Variants in EYS observed in about 807,000 individuals in gnomAD.
EYS encodes the protein protein eyes shut homolog.
Under a neutral mutation model 282.1 loss-of-function variants are expected in EYS, and 250 were observed. The observed-to-expected ratio is 0.89, with a 90% CI of 0.80 to 0.98. The LOEUF (loss-of-function observed/expected upper bound fraction) is 0.98. Among genes scored for constraint, EYS ranks in the 50% least tolerant of loss-of-function variants. The pLI is 0.00. For missense variants in EYS, 4,016 were observed against 3,709.0 expected, an observed-to-expected ratio of 1.08 and a Z score of -2.15; for synonymous variants, 1,355 against 1,282.9, an observed-to-expected ratio of 1.06 and a Z score of -1.20.
chr6:65,327,584 T>G (rs1380437440), intron 11 of EYS, among the ~76,000 whole-genome samples: 1 of 151,570 alleles, frequency 6.6e-6, no homozygotes, highest in African/African-American at 2.4e-5. Flanking sequence ...AATAGTGCAT[T>G]TTTGGTTTTT....
intron 26 of EYS, among the ~76,000 whole-genome samples, chr6:64,464,959 C>T (rs764725070): frequency 2.7e-4 from 41 of 150,722 alleles, no homozygotes; most frequent in Admixed American, 3.3e-4. Context: ...AAAAATAAAA[C>T]GAAAAATAAT....
In EYS at chr6:64,506,908, T is replaced by TAAAAAAAAAAAAAAAAAA. The variant is rs530521158; in HGVS notation, c.5645-67557_5645-67556insTTTTTTTTTTTTTTTTTT. On this transcript the variant is annotated intron_variant, in intron 26 of 42. Transcript: ENST00000503581. ...TGGGCGATAAAGCGAGGCTGTGTCT[T>TAAAAAAAAAAAAAAAAAA]AAAAAAAAAAAAAAAAACTGACTTA... 5.0e-4 allele frequency among the ~76,000 whole-genome samples: 49 copies of TAAAAAAAAAAAAAAAAAA among 97,574 alleles called. No homozygotes were observed. The East Asian group carries it at 6.3e-3, about 12-fold the overall frequency. The allele number at this position is 97,574 out of a possible 152,430, so 64.0% of individuals were successfully genotyped here.
chr6:64,862,996 T>G (rs1766298752), intron 19 of EYS, among the ~76,000 whole-genome samples: 1 of 152,148 alleles, frequency 6.6e-6, no homozygotes, highest in African/African-American at 2.4e-5. Context: ...TTCAGCAAAT[T>G]TAGAAAAAGG....
chr6:65,376,219 A>G (rs1344068058), intron 8 of EYS, among the ~76,000 whole-genome samples: 1 of 152,202 alleles, frequency 6.6e-6, no homozygotes, highest in Non-Finnish European at 1.5e-5. Context: ...GGTGCCCAAT[A>G]GTCAACAATC....
chr6:65,577,975 G>T (rs986400498), intron 2 of EYS, among the ~76,000 whole-genome samples: 2 of 151,742 alleles, frequency 1.3e-5, no homozygotes, highest in Non-Finnish European at 3.0e-5. Flanking sequence ...CTGTACACCT[G>T]TTGGAATATA....
intron 29 of EYS, among the ~76,000 whole-genome samples, chr6:64,362,338 A>T (rs1772044102): frequency 6.6e-6 from 1 of 151,848 alleles, no homozygotes; most frequent in South Asian, 2.1e-4. Flanking sequence ...TGTTTAAAAC[A>T]CTAGAGTATA....
intron 32 of EYS, among the ~76,000 whole-genome samples, chr6:64,069,705 A>G (rs1174948136): frequency 1.3e-5 from 2 of 152,096 alleles, no homozygotes; most frequent in Non-Finnish European, 2.9e-5. Flanking sequence ...AGAAAATTAT[A>G]TGAAATGAGT....
chr6:63,918,619 A>G (rs1398519902), intron 35 of EYS, among the ~76,000 whole-genome samples: 5 of 152,324 alleles, frequency 3.3e-5, no homozygotes, highest in African/African-American at 1.2e-4. Context: ...CAAGAAGATG[A>G]CACAGAGCCA....
intron 29 of EYS, among the ~76,000 whole-genome samples, chr6:64,382,921 G>C: frequency 6.6e-6 from 1 of 152,136 alleles, no homozygotes; most frequent in Non-Finnish European, 1.5e-5. Flanking sequence ...GTTTCCTTCT[G>C]TTGGGTAGGA....
rs140984761 is a variant in EYS at position 63,861,962 on chromosome 6, A to T, written c.7228+2224T>A. On this transcript the variant is annotated intron_variant, in intron 36 of 42. Coordinates refer to ENST00000503581, the MANE Select transcript of EYS (RefSeq NM_001142800.2). ...GCAGCTGGAGTGAATGAAGACATTT[A>T]TGCACCAGCTACAGCAGTATCTTTT... is the stretch of plus-strand genomic sequence containing the variant. Among the ~76,000 whole-genome samples the T allele has an allele frequency of 9.2e-5, 14 of 152,324 alleles. 1 individual carries two copies. The East Asian group carries it at 2.7e-3, about 29-fold the overall frequency.
At chr6:65,585,276 G>T (rs571337742) in intron 2 of EYS, among the ~76,000 whole-genome samples, 2 of 151,692 alleles carry the variant, frequency 1.3e-5, no homozygotes, top group Non-Finnish European at 1.5e-5. Context: ...TAGCTCTTTC[G>T]AATGATTATT....
intron 22 of EYS, among the ~76,000 whole-genome samples, chr6:64,795,922 A>G (rs1308651124): frequency 1.3e-5 from 2 of 152,198 alleles, no homozygotes; most frequent in Non-Finnish European, 2.9e-5. Context: ...ATAGCAATCT[A>G]CAGAAATGGA....
intron 31 of EYS, among the ~76,000 whole-genome samples, chr6:64,131,660 A>G (rs1207231046): frequency 6.6e-6 from 1 of 152,160 alleles, no homozygotes; most frequent in Non-Finnish European, 1.5e-5. Flanking sequence ...GTGAGACTGA[A>G]TATGCAGATG....
chr6:65,690,533 G>A (rs924966628), intron 1 of EYS, among the ~76,000 whole-genome samples: 56 of 150,114 alleles, frequency 3.7e-4, no homozygotes, highest in Admixed American at 3.1e-3. Context: ...CTCTCTGCAG[G>A]CGGAAGCACA....
rs539615673 is a variant in EYS, at chr6:65,211,868, C to G, written c.2023+83995G>C. On this transcript the variant is annotated intron_variant, in intron 12 of 42. Coordinates refer to ENST00000503581, the MANE Select transcript of EYS (RefSeq NM_001142800.2). Reference sequence around the variant, plus strand: ...TCTGTCTTCCATATGAGAATAGGCTCGAATATCACTCAGAGGAAACCCAAA... The same window carrying G: ...TCTGTCTTCCATATGAGAATAGGCTGGAATATCACTCAGAGGAAACCCAAA... Among the ~76,000 whole-genome samples, 7 of 151,888 alleles carry G rather than the reference C, an allele frequency of 4.6e-5. No individual in the cohort carries two copies. The South Asian group carries it at 1.2e-3, about 27-fold the overall frequency.
At chr6:65,236,683 C>A (rs9453230) in intron 12 of EYS, among the ~76,000 whole-genome samples, 1 of 151,894 alleles carries the variant, frequency 6.6e-6, no homozygotes. Flanking sequence ...GCTTATAACA[C>A]CTTTATGGTA....
intron 19 of EYS, among the ~76,000 whole-genome samples, chr6:64,877,348 T>C (rs1260808510): frequency 6.6e-6 from 1 of 152,160 alleles, no homozygotes; most frequent in East Asian, 1.9e-4. Context: ...TTTGGGTATA[T>C]GAGTTGAGAG....
chr6:65,153,156 A>G (rs28517860), intron 12 of EYS, among the ~76,000 whole-genome samples: 6,477 of 151,962 alleles, frequency 0.043, 197 homozygotes, highest in Middle Eastern at 0.065. Flanking sequence ...GGCATTGAAA[A>G]TGCAAGCTAC....
At chr6:65,357,583 G>T (rs1409501835) in intron 8 of EYS, among the ~76,000 whole-genome samples, 1 of 151,930 alleles carries the variant, frequency 6.6e-6, no homozygotes, top group Non-Finnish European at 1.5e-5. Flanking sequence ...CAGATTTCCA[G>T]TTGATATTCC....
Sources: gnomAD v4.1 joint callset for allele counts (sites outside exome capture counted in the v4.1 genomes callset) on GRCh38, gnomAD v4.1.1 for gene constraint, MANE v1.5 for transcripts, NCBI Gene and HGNC (gene_info 2026-07-23, HGNC 2026-07-21) for gene names.